SLC35F3: variants seen among roughly 807,000 people sequenced by gnomAD.
SLC35F3 encodes solute carrier family 35 member F3, also known as putative thiamine transporter SLC35F3.
SLC35F3 carries 25 observed loss-of-function variants against 49.9 expected under a neutral mutation model. The observed-to-expected ratio is 0.50, with a 90% confidence interval of 0.37 to 0.70. The LOEUF is 0.70. Ranked by LOEUF, SLC35F3 falls within the 30% of genes least tolerant of loss-of-function variation. The pLI is 0.00. For missense variants in SLC35F3, 525 were observed against 639.8 expected (o/e 0.82, Z 1.94); for synonymous variants, 275 against 265.4 (o/e 1.04, Z -0.35).
chr1:233,922,351 G>T (rs1464726738), intron 2 of SLC35F3, among the ~76,000 whole-genome samples: 1 of 152,014 alleles, frequency 6.6e-6, no homozygotes, highest in Non-Finnish European at 1.5e-5. Flanking sequence ...GTGTGAGATG[G>T]TATCTCATTG....
intron 2 of SLC35F3, among the ~76,000 whole-genome samples, chr1:233,912,313 A>G (rs749993359): frequency 2.0e-5 from 3 of 152,100 alleles, no homozygotes; most frequent in Non-Finnish European, 4.4e-5. Flanking sequence ...CCCCGTCTCT[A>G]CTAAAAATAC....
intron 2 of SLC35F3, among the ~76,000 whole-genome samples, chr1:234,208,666 C>T (rs1667009052): frequency 6.6e-6 from 1 of 152,166 alleles, no homozygotes. Context: ...TGGGAGGAGG[C>T]AGGGAGTATA....
At chr1:233,907,847 T>G (rs1207509919) in intron 2 of SLC35F3, among the ~76,000 whole-genome samples, 2 of 152,204 alleles carry the variant, frequency 1.3e-5, no homozygotes, top group African/African-American at 4.8e-5. Context: ...TGCCTCAGCC[T>G]CCTGCGTAGC....
intron 2 of SLC35F3, among the ~76,000 whole-genome samples, chr1:234,105,045 G>C (rs1395335041): frequency 6.6e-6 from 1 of 151,184 alleles, no homozygotes; most frequent in Non-Finnish European, 1.5e-5. Flanking sequence ...GGAGAATGGC[G>C]TGAACCGGGG....
chr1:233,941,974 T>G (rs973337958), intron 2 of SLC35F3, among the ~76,000 whole-genome samples: 1 of 150,214 alleles, frequency 6.7e-6, no homozygotes, highest in Admixed American at 6.6e-5. Flanking sequence ...TTTTTTTTTT[T>G]TTTTTTAGAT....
At chr1:234,266,905 A>G (rs1283750043) in intron 3 of SLC35F3, among the ~76,000 whole-genome samples, 11 of 93,672 alleles carry the variant, frequency 1.2e-4, no homozygotes, top group Non-Finnish European at 1.4e-4. Flanking sequence ...TTTATTGATC[A>G]TTCTTGGGTG....
At chr1:233,934,030 G>A (rs1202640973) in intron 2 of SLC35F3, among the ~76,000 whole-genome samples, 1 of 152,202 alleles carries the variant, frequency 6.6e-6, no homozygotes, top group Non-Finnish European at 1.5e-5. Flanking sequence ...GAGTTTAGCG[G>A]GAAGTGCTTT....
In SLC35F3 at chr1:233,977,807, T is replaced by C. The variant is rs371227998; in HGVS notation, c.283+72049T>C. 2.0e-5 allele frequency among the ~76,000 whole-genome samples: 3 copies of C among 152,276 alleles called. No individual in the cohort carries two copies. In the South Asian group the frequency reaches 6.2e-4, roughly 32 times the overall value. ...GCGCTCAAGATGCAGATACAAGTCTTATAAGTCTACCAAGCAGGACTTCTG... is the reference window on the plus strand; with the variant it reads ...GCGCTCAAGATGCAGATACAAGTCTCATAAGTCTACCAAGCAGGACTTCTG... On this transcript the variant is annotated intron_variant, in intron 2 of 7. Coordinates refer to ENST00000366618, the MANE Select transcript of SLC35F3 (RefSeq NM_173508.4).
At chr1:234,008,865 CT>C (rs1430657146) in intron 2 of SLC35F3, among the ~76,000 whole-genome samples, 2 of 152,304 alleles carry the variant, frequency 1.3e-5, no homozygotes, top group African/African-American at 4.8e-5. Flanking sequence ...GCCTGACTGA[CT>C]TCTGTTCCAA....
intron 2 of SLC35F3, among the ~76,000 whole-genome samples, chr1:234,064,024 ATTTCACCAT>A (rs1334239504): frequency 6.6e-6 from 1 of 152,118 alleles, no homozygotes; most frequent in African/African-American, 2.4e-5. Context: ...TGTTTTTATA[ATTTCACCAT>A]TTTCACTGGG....
Position 234,231,384 on chromosome 1 carries a change from A to T in SLC35F3, c.284-33A>T. 6.9e-7 allele frequency: 1 copy of T among 1,456,542 alleles called. No individual in the cohort carries two copies. Among genetic ancestry groups the T allele is most frequent in the Admixed American group, 2.5e-5 (1 of 39,284 alleles). 90.2% of individuals were successfully genotyped at this position (1,456,542 alleles called of 1,614,324 possible). On this transcript the variant is annotated intron_variant, in intron 2 of 7. Coordinates refer to ENST00000366618, the MANE Select transcript of SLC35F3 (RefSeq NM_173508.4). The surrounding 1 kb of genome is among the most constrained non-coding windows in gnomAD (Gnocchi z 5.4). ...GCGAAGTGCAGGGGTGAAGGTCTGC[A>T]GGCCCCGCTAACCACGCCCTTCTCT...
At chr1:234,281,000 C>T (rs1668316158) in intron 3 of SLC35F3, among the ~76,000 whole-genome samples, 1 of 152,146 alleles carries the variant, frequency 6.6e-6, no homozygotes, top group South Asian at 2.1e-4. Context: ...TGCTGCATGC[C>T]TTCCTAAAGG....
At chr1:234,290,873 C>CT (rs1019468834) in intron 3 of SLC35F3, among the ~76,000 whole-genome samples, 13 of 152,130 alleles carry the variant, frequency 8.5e-5, no homozygotes, top group South Asian at 2.1e-4. Context: ...TATAACTCAC[C>CT]TTTTTTTTCC....
intron 4 of SLC35F3, among the ~76,000 whole-genome samples, chr1:234,314,145 G>A (rs981359910): frequency 3.3e-5 from 5 of 152,180 alleles, no homozygotes; most frequent in South Asian, 2.1e-4. Context: ...GTGTGGAGGA[G>A]GAGATCAGAG....
intron 2 of SLC35F3, among the ~76,000 whole-genome samples, chr1:234,194,044 A>C (rs1572089499): frequency 6.6e-6 from 1 of 152,278 alleles, no homozygotes; most frequent in African/African-American, 2.4e-5. Flanking sequence ...GTTTTATTTA[A>C]AGTTTAATAG....
chr1:234,146,481 C>CTTTTTTTTTTTTTTT lies in SLC35F3; in HGVS notation c.284-84926_284-84912dup, dbSNP rs869146212. On this transcript the variant is annotated intron_variant, in intron 2 of 7. Coordinates refer to ENST00000366618, the MANE Select transcript of SLC35F3 (RefSeq NM_173508.4). ...AATAAAAGTTACCAAGATATTTGCT[C>CTTTTTTTTTTTTTTT]TTTTTTTTTTTTTTTTTTTTTTTTC... is the stretch of plus-strand genomic sequence containing the variant. 3.5e-4 allele frequency among the ~76,000 whole-genome samples: 26 copies of CTTTTTTTTTTTTTTT among 74,042 alleles called. 5 individuals carry two copies. In the East Asian group the frequency reaches 5.9e-3, roughly 17 times the overall value. The allele number at this position is 74,042 out of a possible 152,430, so 48.6% of individuals were successfully genotyped here.
chr1:234,001,861 A>G (rs1321831117), intron 2 of SLC35F3, among the ~76,000 whole-genome samples: 3 of 152,214 alleles, frequency 2.0e-5, no homozygotes, highest in Non-Finnish European at 4.4e-5. Context: ...ATGATTTTCT[A>G]TTTTGGCATA....
At chr1:233,973,056 A>G (rs374564251) in intron 2 of SLC35F3, among the ~76,000 whole-genome samples, 68 of 152,358 alleles carry the variant, frequency 4.5e-4, no homozygotes, top group African/African-American at 1.6e-3. Flanking sequence ...GGCAATAAAT[A>G]TGCCTGAAGG....
chr1:234,156,624 A>G (rs1666156584), intron 2 of SLC35F3, among the ~76,000 whole-genome samples: 1 of 152,204 alleles, frequency 6.6e-6, no homozygotes, highest in South Asian at 2.1e-4. Context: ...GTGTATATTC[A>G]AGAGAAATGA....
Sources: gnomAD v4.1 joint callset for allele counts (sites outside exome capture counted in the v4.1 genomes callset) on GRCh38, gnomAD v4.1.1 for gene constraint, Gnocchi (gnomAD v3.1) non-coding constraint, MANE v1.5 for transcripts, NCBI Gene and HGNC (gene_info 2026-07-23, HGNC 2026-07-21) for gene names.